Variants in CAPN2 observed in about 807,000 individuals in gnomAD.
CAPN2 encodes calpain 2, also known as calpain-2 catalytic subunit.
In CAPN2, 92 loss-of-function variants were observed where a neutral mutation model predicts 102.3. The ratio of observed to expected loss-of-function variants is 0.90; its 90% confidence interval spans 0.76 to 1.07. The LOEUF (loss-of-function observed/expected upper bound fraction) is 1.07. CAPN2 is among the 50% of genes least tolerant of loss of function. CAPN2 has a pLI of 0.00. For missense variants in CAPN2, 800 were observed against 909.4 expected, an observed-to-expected ratio of 0.88 and a Z score of 1.55; for synonymous variants, 340 against 355.4, an observed-to-expected ratio of 0.96 and a Z score of 0.49.
In CAPN2 at chr1:223,731,262, C is replaced by T. The variant is rs567584123; in HGVS notation, c.308-12838C>T. On this transcript the variant is annotated intron_variant, in intron 2 of 20. Transcript: ENST00000295006. The surrounding 1 kb of genome is among the most constrained non-coding windows in gnomAD (Gnocchi z 4.2). ...GGGAAAGGAAGAGAAGGAAGTTTGG[C>T]TTAAATTCCCTTAGGAGCCAGTTCA... is the stretch of plus-strand genomic sequence containing the variant. 6.6e-6 allele frequency among the ~76,000 whole-genome samples: 1 copy of T among 152,246 alleles called. No individual in the cohort carries two copies. Among genetic ancestry groups the T allele is most frequent in the East Asian group, 1.9e-4 (1 of 5,178 alleles).
Position 223,775,184 on chromosome 1 carries a change from A to G in CAPN2, c.*327A>G, listed in dbSNP as rs947717172. The G allele has an allele frequency of 1.2e-5, 3 of 244,946 alleles. No individual in the cohort carries two copies. In the South Asian group the frequency reaches 3.5e-4, roughly 28 times the overall value. 15.2% of individuals were successfully genotyped at this position (244,946 alleles called of 1,614,324 possible). A position where few individuals can be genotyped will look rare whatever the true frequency, so the allele number is the denominator to read the frequency against. On this transcript the variant is annotated 3_prime_UTR_variant, in exon 21 of 21. Coordinates refer to ENST00000295006, the MANE Select transcript of CAPN2 (RefSeq NM_001748.5). Reference sequence around the variant, plus strand: ...ATAGCAATATTAAATCAGGAAAAAAAAATGCAGGGAGGTATTTAACAGCTG... The same window carrying G: ...ATAGCAATATTAAATCAGGAAAAAAGAATGCAGGGAGGTATTTAACAGCTG...
rs1660332017 is a variant in CAPN2 at position 223,731,426 on chromosome 1, G to C, written c.308-12674G>C. 6.6e-6 allele frequency among the ~76,000 whole-genome samples: 1 copy of C among 151,992 alleles called. No individual in the cohort carries two copies. The highest frequency in any genetic ancestry group is 2.4e-5 in the African/African-American group (1 of 41,374). ...CACTTGACCTTCCCTCTCCCTGAAA[G>C]TGCCCCTGCTCTTCCTCACCCAGCT... On this transcript the variant is annotated intron_variant, in intron 2 of 20. Transcript: ENST00000295006. The surrounding 1 kb of genome is among the most constrained non-coding windows in gnomAD (Gnocchi z 4.2).
At position 223,712,786 on chromosome 1, in the gene CAPN2, C is replaced by T. The variant is rs756397480; in HGVS notation, c.146C>T (p.Pro49Leu). 1 of 1,578,792 alleles carries T rather than the reference C, an allele frequency of 6.3e-7. No individual in the cohort carries two copies. Among genetic ancestry groups the T allele is most frequent in the Non-Finnish European group, 8.6e-7 (1 of 1,164,996 alleles). ...GAGGCCGGGACGCTCTTCCAGGACC[C>T]GTCCTTCCCGGCCATCCCCTCGGCC... ...CLEAGTLFQD[P>L]SFPAIPSALG... The change falls in exon 1 of 21, where the codon CCG (proline) becomes CTG (leucine). Residue 49 changes from proline to leucine, a missense_variant. Transcript: ENST00000295006.
intron 2 of CAPN2, among the ~76,000 whole-genome samples, chr1:223,722,281 C>CTTTTTTTTTTTTTTTTTTTTTTTTTTTTT (rs34894876): frequency 3.5e-5 from 3 of 85,512 alleles, no homozygotes; most frequent in Non-Finnish European, 6.7e-5. Flanking sequence ...TTCTTTCTTT[C>CTTTTTTTTTTTTTTTTTTTTTTTTTTTTT]TTTTTTTTTT....
chr1:223,766,061 C>T (rs1248410220), intron 15 of CAPN2, among the ~76,000 whole-genome samples: 1 of 152,232 alleles, frequency 6.6e-6, no homozygotes, highest in Non-Finnish European at 1.5e-5. Flanking sequence ...CCAACAACTA[C>T]AGGTGACTTT....
Position 223,744,221 on chromosome 1 carries a change from A to G in CAPN2, c.426+3A>G. 6.3e-7 allele frequency: 1 copy of G among 1,591,352 alleles called. No individual in the cohort carries two copies. On this transcript the variant is annotated splice_donor_region_variant and intron_variant, in intron 3 of 20. Coordinates refer to ENST00000295006, the MANE Select transcript of CAPN2 (RefSeq NM_001748.5). ...ATGCAGGGATCTTTCACTTCCAGGT[A>G]ACTTAATGGTTGGCTCAGGTGGTTC... is the stretch of plus-strand genomic sequence containing the variant.
Position 223,756,210 on chromosome 1 carries a change from A to G in CAPN2, c.1305+561A>G, listed in dbSNP as rs575863709. On this transcript the variant is annotated intron_variant, in intron 10 of 20. Coordinates refer to ENST00000295006, the MANE Select transcript of CAPN2 (RefSeq NM_001748.5). The surrounding 1 kb of genome is among the most constrained non-coding windows in gnomAD (Gnocchi z 4.1). ...TGAGCCACAGCCAGAGGGCAGCCGC[A>G]TTGCAGTCTCCTCTCCGCCCTCAGG... Among the ~76,000 whole-genome samples the G allele has an allele frequency of 3.3e-5, 5 of 152,310 alleles. No homozygotes were observed. The highest frequency in any genetic ancestry group is 7.4e-5 in the Non-Finnish European group (5 of 68,020).
chr1:223,765,807 T>G (rs904000687), intron 15 of CAPN2, among the ~76,000 whole-genome samples: 5 of 152,154 alleles, frequency 3.3e-5, no homozygotes, highest in African/African-American at 1.2e-4. Flanking sequence ...GTGAAGTCTG[T>G]GGGGAGCCAG....
chr1:223,742,484 T>A (rs896484372), intron 2 of CAPN2, among the ~76,000 whole-genome samples: 2 of 118,796 alleles, frequency 1.7e-5, no homozygotes, highest in African/African-American at 3.2e-5. Flanking sequence ...ATTACATATT[T>A]TATATATATG....
intron 6 of CAPN2, among the ~76,000 whole-genome samples, chr1:223,749,665 TCA>T (rs1660837346): frequency 6.6e-6 from 1 of 152,244 alleles, no homozygotes; most frequent in Non-Finnish European, 1.5e-5. Flanking sequence ...CAGAGGTGAC[TCA>T]CACATCATAT....
chr1:223,771,956 C>A, intron 19 of CAPN2, 31 bp downstream of exon 19: 1 of 1,480,194 alleles, frequency 6.8e-7, no homozygotes, highest in Non-Finnish European at 9.5e-7. Flanking sequence ...TGACTCATTT[C>A]AGTTCTCTTG....
In CAPN2 at chr1:223,731,884, C is replaced by T. The variant is rs1230951389; in HGVS notation, c.308-12216C>T. 6.6e-6 allele frequency among the ~76,000 whole-genome samples: 1 copy of T among 152,124 alleles called. No homozygotes were observed. The highest frequency in any genetic ancestry group is 1.5e-5 in the Non-Finnish European group (1 of 68,008). On this transcript the variant is annotated intron_variant, in intron 2 of 20. Transcript: ENST00000295006. The surrounding 1 kb of genome is among the most constrained non-coding windows in gnomAD (Gnocchi z 4.2). ...GAGCTCCCTTGGCCAGTGTGTGAAA[C>T]GTGTGTGTGAGTGTGTCACCGGTAA...
chr1:223,739,436 G>A (rs907514735), intron 2 of CAPN2, among the ~76,000 whole-genome samples: 1 of 152,012 alleles, frequency 6.6e-6, no homozygotes, highest in East Asian at 1.9e-4. Context: ...TGCCCACCTC[G>A]GCCTCCCAAA....
In CAPN2 at chr1:223,769,881, T is replaced by C. The variant is rs757592164; in HGVS notation, c.1796T>C (p.Ile599Thr). Residue 599 changes from isoleucine (I) to threonine (T), a missense_variant, in exon 17 of 21, where the codon ATT (isoleucine) becomes ACT (threonine). By Grantham distance (89) the Ile-to-Thr change is moderately conservative (BLOSUM62 -1). Transcript: ENST00000295006. Reference protein sequence around the residue: ...SGKLGLKEFYILWTKIQKYQK... With the variant: ...SGKLGLKEFYTLWTKIQKYQK... ...AAGCTGGGGCTGAAGGAGTTCTACA[T>C]TCTCTGGACGAAGATTCAAAAATAC... 1.2e-6 allele frequency: 2 copies of C among 1,607,756 alleles called. No individual in the cohort carries two copies. The highest frequency in any genetic ancestry group is 1.1e-5 in the South Asian group (1 of 89,424).
rs759568182 is a variant in CAPN2 at position 223,756,651 on chromosome 1, A to G, written c.1306-718A>G. Among the ~76,000 whole-genome samples the G allele has an allele frequency of 6.6e-6, 1 of 152,186 alleles. No individual in the cohort carries two copies. Among genetic ancestry groups the G allele is most frequent in the African/African-American group, 2.4e-5 (1 of 41,436 alleles). On this transcript the variant is annotated intron_variant, in intron 10 of 20. Transcript: ENST00000295006. This position sits in a 1 kb window ranked among gnomAD's most constrained non-coding sequence, Gnocchi z 4.1. ...CTCACCACTGGCAACGTTGCCACCC[A>G]TGGAACACTGACTTCTACCTGCTCA...
intron 20 of CAPN2, among the ~76,000 whole-genome samples, chr1:223,774,016 G>C (rs1236722849): frequency 2.0e-5 from 3 of 152,086 alleles, no homozygotes; most frequent in African/African-American, 7.2e-5. Flanking sequence ...TTGGGTGACA[G>C]AGCAAGGCCC....
intron 1 of CAPN2, among the ~76,000 whole-genome samples, chr1:223,716,941 G>T (rs774679802): frequency 2.0e-5 from 3 of 152,160 alleles, no homozygotes; most frequent in Non-Finnish European, 4.4e-5. Context: ...TGATCAGTAA[G>T]TTCCAATGCC....
chr1:223,723,846 G>T (rs972157146), intron 2 of CAPN2, among the ~76,000 whole-genome samples: 1 of 104,514 alleles, frequency 9.6e-6, no homozygotes, highest in Non-Finnish European at 1.9e-5. Flanking sequence ...GGAGCAGTGG[G>T]ACCCCCTTCA....
chr1:223,772,983 G>A (rs1036307986), intron 20 of CAPN2: 2 of 152,212 alleles, frequency 1.3e-5, no homozygotes, highest in Non-Finnish European at 2.9e-5. Flanking sequence ...GGCTGACACT[G>A]GGTGAGAATG....
Sources: allele counts gnomAD v4.1 joint callset (sites outside exome capture counted in the v4.1 genomes callset), GRCh38; gene constraint gnomAD v4.1.1; non-coding constraint Gnocchi (gnomAD v3.1); transcripts MANE v1.5; gene names NCBI Gene and HGNC (gene_info 2026-07-23, HGNC 2026-07-21).